Variants in ANO2 observed in about 807,000 individuals in gnomAD.
ANO2 encodes anoctamin 2.
Under a neutral mutation model 124.2 loss-of-function variants are expected in ANO2, and 101 were observed. That is an observed-to-expected ratio of 0.81 (90% CI 0.69 to 0.96). The LOEUF (loss-of-function observed/expected upper bound fraction) is 0.96, where lower values mean the gene tolerates loss of function less well. ANO2 is among the 40% of genes least tolerant of loss of function. The probability of loss-of-function intolerance (pLI) is 0.00; values close to 1 mark genes in which losing one functional copy is unlikely to be tolerated. For missense variants in ANO2, 1,293 were observed against 1,274.5 expected (o/e 1.01, Z -0.22); for synonymous variants, 486 against 482.5 (o/e 1.01, Z -0.09).
intron 1 of ANO2, among the ~76,000 whole-genome samples, chr12:5,938,865 T>C (rs1272216561): frequency 6.6e-6 from 1 of 151,744 alleles, no homozygotes; most frequent in African/African-American, 2.4e-5. Flanking sequence ...CCCAACCTTT[T>C]TTCTTGTCCT....
At chr12:5,639,836 G>A (rs1946238656) in intron 15 of ANO2, among the ~76,000 whole-genome samples, 1 of 152,136 alleles carries the variant, frequency 6.6e-6, no homozygotes, top group Admixed American at 6.5e-5. Flanking sequence ...GATCTGTCAG[G>A]GGCAGTGTGC....
intron 14 of ANO2, among the ~76,000 whole-genome samples, chr12:5,721,919 A>G (rs1033469997): frequency 7.2e-5 from 11 of 152,240 alleles, no homozygotes; most frequent in African/African-American, 2.7e-4. Flanking sequence ...TAACAGTTCC[A>G]TGTGTTAAGT....
intron 5 of ANO2, among the ~76,000 whole-genome samples, chr12:5,830,883 G>T (rs573732170): frequency 2.0e-5 from 3 of 152,232 alleles, no homozygotes; most frequent in Non-Finnish European, 4.4e-5. Flanking sequence ...TGATGATAAG[G>T]TTCCAAATGG....
chr12:5,827,901 C>T, intron 6 of ANO2, 81 bp from the exon 7 acceptor site: 1 of 1,503,678 alleles, frequency 6.7e-7, no homozygotes, highest in South Asian at 1.2e-5. Context: ...CACTGCCTGG[C>T]AGGGGCGGGA....
At chr12:5,851,563 T>C (rs1954907020) in intron 4 of ANO2, among the ~76,000 whole-genome samples, 1 of 151,762 alleles carries the variant, frequency 6.6e-6, no homozygotes, top group South Asian at 2.1e-4. Context: ...TGAGCACCTG[T>C]AATCCCAGCT....
intron 4 of ANO2, among the ~76,000 whole-genome samples, chr12:5,843,536 C>T (rs1307114970): frequency 1.3e-5 from 2 of 151,340 alleles, no homozygotes; most frequent in Non-Finnish European, 2.9e-5. Context: ...GGTGACAGAG[C>T]GAGATTCCAT....
chr12:5,799,549 C>T lies in ANO2; in HGVS notation c.1013G>A (p.Arg338His), dbSNP rs1486183196. The change falls in exon 10 of 25, where the codon CGC becomes CAC. Residue 338 changes from arginine to histidine, a missense_variant. Physicochemically the swap from Arg to His is conservative, Grantham distance 29. Transcript: ENST00000682330. ...DRKLLYQEWA[R>H]YGVFYKFQPI... ...TTGGAACTTATAGAACACTCCATAG[C>T]GCGCCCATTCTTGATATAGCAGCTA... 5.0e-6 allele frequency: 8 copies of T among 1,613,818 alleles called. No homozygotes were observed. Among genetic ancestry groups the T allele is most frequent in the African/African-American group, 2.7e-5 (2 of 74,926 alleles).
At chr12:5,923,095 CACACACAT>C (rs1941828454) in intron 1 of ANO2, among the ~76,000 whole-genome samples, 1 of 12,298 alleles carries the variant, frequency 8.1e-5, no homozygotes, top group African/African-American at 1.1e-4. Context: ...CACACACACG[CACACACAT>C]ACACACACAT....
intron 7 of ANO2, among the ~76,000 whole-genome samples, chr12:5,824,635 A>T (rs1278309357): frequency 1.3e-5 from 2 of 152,134 alleles, no homozygotes; most frequent in East Asian, 3.9e-4. Context: ...GAGCCCTCCA[A>T]ACTGTTCCAA....
intron 9 of ANO2, among the ~76,000 whole-genome samples, chr12:5,802,504 C>T (rs1024250151): frequency 6.6e-6 from 1 of 152,120 alleles, no homozygotes; most frequent in Non-Finnish European, 1.5e-5. Context: ...TGCTGTAGAC[C>T]CTTCCCAATC....
chr12:5,707,437 T>TA (rs2137035229), intron 14 of ANO2, among the ~76,000 whole-genome samples: 1 of 152,356 alleles, frequency 6.6e-6, no homozygotes, highest in South Asian at 2.1e-4. Flanking sequence ...CCTTTAGGTC[T>TA]ATATCATGTC....
rs995835055 is a variant in ANO2, at chr12:5,563,001, G to A, written c.*298C>T. 23 of 390,580 alleles carry A rather than the reference G, an allele frequency of 5.9e-5. No individual in the cohort carries two copies. Among genetic ancestry groups the A allele is most frequent in the Middle Eastern group, 7.0e-4 (1 of 1,436 alleles). The allele number at this position is 390,580 out of a possible 1,614,324, so 24.2% of individuals were successfully genotyped here. A position where few individuals can be genotyped will look rare whatever the true frequency, so the allele number is the denominator to read the frequency against. On this transcript the variant is annotated 3_prime_UTR_variant, in exon 25 of 25. Coordinates refer to ENST00000682330, the MANE Select transcript of ANO2 (RefSeq NM_001364791.2). ...CCCCAGGGTACATGGGAATGCTCGC[G>A]GTGCCTGAGACTCTGGGGTGGAGAG...
intron 3 of ANO2, among the ~76,000 whole-genome samples, chr12:5,886,687 G>C (rs1007380119): frequency 6.6e-6 from 1 of 152,282 alleles, no homozygotes; most frequent in South Asian, 2.1e-4. Context: ...AAGGGTGTTT[G>C]CATGTGTTCA....
chr12:5,942,943 ACT>A (rs1319532614), intron 1 of ANO2, among the ~76,000 whole-genome samples: 14 of 152,220 alleles, frequency 9.2e-5, no homozygotes, highest in African/African-American at 3.4e-4. Flanking sequence ...AATGGCTATA[ACT>A]AAGAAGTCAA....
intron 23 of ANO2, among the ~76,000 whole-genome samples, chr12:5,572,182 T>C (rs867002851): frequency 6.6e-6 from 1 of 152,126 alleles, no homozygotes; most frequent in African/African-American, 2.4e-5. Context: ...CAGCATCCTC[T>C]CCTTAATATG....
chr12:5,731,614 C>T (rs1264879555), intron 14 of ANO2, among the ~76,000 whole-genome samples: 1 of 151,958 alleles, frequency 6.6e-6, no homozygotes, highest in Admixed American at 6.6e-5. Context: ...TCTCCCCACC[C>T]CTCCTCGCTT....
intron 10 of ANO2, among the ~76,000 whole-genome samples, chr12:5,788,074 G>A (rs780351988): frequency 4.6e-5 from 7 of 152,150 alleles, no homozygotes; most frequent in Non-Finnish European, 1.0e-4. Flanking sequence ...AGCAGGTACC[G>A]CAAGAAGTAC....
chr12:5,683,319 C>G (rs1948579618), intron 14 of ANO2, among the ~76,000 whole-genome samples: 1 of 152,082 alleles, frequency 6.6e-6, no homozygotes, highest in African/African-American at 2.4e-5. Flanking sequence ...TCTCTCCCAC[C>G]ATCAAAAGCA....
intron 10 of ANO2, among the ~76,000 whole-genome samples, chr12:5,782,855 G>T (rs1952441085): frequency 1.3e-5 from 2 of 152,196 alleles, no homozygotes; most frequent in African/African-American, 4.8e-5. Flanking sequence ...CACATTTAAT[G>T]TTTTTAAAAC....
Sources: allele counts gnomAD v4.1 joint callset (sites outside exome capture counted in the v4.1 genomes callset), GRCh38; gene constraint gnomAD v4.1.1; transcripts MANE v1.5; gene names NCBI Gene and HGNC (gene_info 2026-07-23, HGNC 2026-07-21).